Variants in ANKRD36 observed in about 807,000 individuals in gnomAD.
The protein encoded by ANKRD36 is ankyrin repeat domain 36, also known as ankyrin repeat domain-containing protein 36A.
Under a neutral mutation model 278.1 loss-of-function variants are expected in ANKRD36, and 179 were observed. That is an observed-to-expected ratio of 0.64 (90% confidence interval 0.57 to 0.73). ANKRD36 has a LOEUF of 0.73. ANKRD36 is among the 30% of genes least tolerant of loss of function. ANKRD36 has a pLI of 0.00. For missense variants in ANKRD36, 1,159 were observed against 1,956.7 expected, an observed-to-expected ratio of 0.59 and a Z score of 7.69; for synonymous variants, 320 against 641.1, an observed-to-expected ratio of 0.50 and a Z score of 7.57.
intron 22 of ANKRD36, among the ~76,000 whole-genome samples, chr2:97,172,047 A>C (rs2052712328): frequency 6.6e-6 from 1 of 152,034 alleles, no homozygotes; most frequent in African/African-American, 2.4e-5. Context: ...GCCTTTTAAG[A>C]CGGTGATTCT....
intron 10 of ANKRD36, among the ~76,000 whole-genome samples, chr2:97,144,954 A>G (rs1031726494): frequency 6.6e-6 from 1 of 152,038 alleles, no homozygotes; most frequent in African/African-American, 2.4e-5. Flanking sequence ...AGAGCAGTTC[A>G]AGATACAAGA....
At chr2:97,194,539 C>T (rs11689120) in intron 38 of ANKRD36, among the ~76,000 whole-genome samples, 187 bp from the exon 39 acceptor site, 119 of 151,602 alleles carry the variant, frequency 7.8e-4, no homozygotes, top group African/African-American at 2.5e-3. Flanking sequence ...GTATATTTCA[C>T]GGAGCCTGTG....
At chr2:97,220,255 A>G (rs2067047803) in intron 66 of ANKRD36, among the ~76,000 whole-genome samples, 1 of 149,148 alleles carries the variant, frequency 6.7e-6, no homozygotes, top group African/African-American at 2.5e-5. Flanking sequence ...TTTCATTTGT[A>G]CTTCCTCAGT....
At chr2:97,177,645 T>G (rs2054700729) in intron 22 of ANKRD36, among the ~76,000 whole-genome samples, 1 of 151,912 alleles carries the variant, frequency 6.6e-6, no homozygotes, top group African/African-American at 2.4e-5. Context: ...TGAAACTGTA[T>G]CCCTTCCTTA....
At chr2:97,200,842 A>G (rs2061176290) in intron 46 of ANKRD36, among the ~76,000 whole-genome samples, 1 of 151,908 alleles carries the variant, frequency 6.6e-6, no homozygotes, top group East Asian at 1.9e-4. Context: ...GTAAGGAGAA[A>G]GAGAGGAAGT....
At chr2:97,211,017 G>T (rs1191326122) in intron 56 of ANKRD36, among the ~76,000 whole-genome samples, 1 of 151,878 alleles carries the variant, frequency 6.6e-6, no homozygotes, top group Non-Finnish European at 1.5e-5. Context: ...AGATATCCAA[G>T]GTGATCAATT....
intron 22 of ANKRD36, among the ~76,000 whole-genome samples, chr2:97,175,903 A>C (rs2054100674): frequency 6.6e-6 from 1 of 151,894 alleles, no homozygotes; most frequent in African/African-American, 2.4e-5. Context: ...ATTCAGGAGC[A>C]GGTTGTTCAG....
intron 6 of ANKRD36, among the ~76,000 whole-genome samples, chr2:97,136,461 C>T (rs1269673756): frequency 3.3e-5 from 5 of 151,396 alleles, no homozygotes; most frequent in South Asian, 2.1e-4. Flanking sequence ...GGAAACCCAA[C>T]TTGAAGTCCA....
rs574724897 is a variant in ANKRD36, at chr2:97,205,937, C to G, written c.3062-3C>G. On this transcript the variant is annotated splice_region_variant and splice_polypyrimidine_tract_variant and intron_variant, in intron 50 of 75. Coordinates refer to ENST00000420699, the MANE Select transcript of ANKRD36 (RefSeq NM_001354587.1). ...CTGATTATGAATCACTTTTGCTTTT[C>G]AGTGTCTTCTCAGAAACCACCAACC... 7.1e-6 allele frequency: 11 copies of G among 1,552,930 alleles called. No homozygotes were observed. In the Admixed American group the frequency reaches 2.1e-4, roughly 29 times the overall value.
chr2:97,140,760 G>A (rs904360198), intron 6 of ANKRD36, among the ~76,000 whole-genome samples: 13 of 152,046 alleles, frequency 8.6e-5, no homozygotes, highest in African/African-American at 2.7e-4. Context: ...CAGTAGTGGT[G>A]AGAATAATGA....
intron 28 of ANKRD36, among the ~76,000 whole-genome samples, chr2:97,184,228 CAGA>C (rs1173774097): frequency 1.3e-5 from 2 of 151,642 alleles, no homozygotes; most frequent in Non-Finnish European, 2.9e-5. Flanking sequence ...GTTTGCATAC[CAGA>C]AGATTTGATT....
chr2:97,192,297 A>T (rs566217804), intron 36 of ANKRD36, among the ~76,000 whole-genome samples: 3 of 151,914 alleles, frequency 2.0e-5, no homozygotes, highest in African/African-American at 7.2e-5. Flanking sequence ...AATGAATATT[A>T]TCTACTAGGT....
chr2:97,145,402 TTTG>T (rs745472212), intron 10 of ANKRD36, among the ~76,000 whole-genome samples: 1 of 151,992 alleles, frequency 6.6e-6, no homozygotes, highest in Non-Finnish European at 1.5e-5. Context: ...AGATATATGT[TTTG>T]TTGTTATCAG....
At chr2:97,222,306 T>A in intron 66 of ANKRD36, among the ~76,000 whole-genome samples, 1 of 152,062 alleles carries the variant, frequency 6.6e-6, no homozygotes, top group Non-Finnish European at 1.5e-5. Context: ...TTTTTTCCAA[T>A]TCTGTGAAGA....
chr2:97,262,583 T>C (rs2076838902), intron 75 of ANKRD36, among the ~76,000 whole-genome samples: 1 of 130,772 alleles, frequency 7.6e-6, no homozygotes, highest in South Asian at 4.4e-4. Flanking sequence ...GAGAGTGATA[T>C]TGTTTGCAAA....
At chr2:97,202,113 G>C (rs2061540200) in intron 46 of ANKRD36, 89 bp from the exon 47 acceptor site, 1 of 1,587,148 alleles carries the variant, frequency 6.3e-7, no homozygotes, top group Non-Finnish European at 8.5e-7. Context: ...CAGGCAGGAG[G>C]ACAGAGGTTG....
intron 40 of ANKRD36, among the ~76,000 whole-genome samples, chr2:97,195,551 A>C (rs1446150295): frequency 6.6e-6 from 1 of 152,026 alleles, no homozygotes; most frequent in East Asian, 1.9e-4. Context: ...TTGGCATAAA[A>C]ACAAAATGAC....
At chr2:97,200,194 C>T in intron 44 of ANKRD36, 140 bp from the exon 45 acceptor site, 3 of 1,525,690 alleles carry the variant, frequency 2.0e-6, no homozygotes, top group Non-Finnish European at 2.7e-6. Context: ...ATGTTCTGAT[C>T]CCCAGACACA....
chr2:97,210,160 A>C lies in ANKRD36; in HGVS notation c.3367+288A>C, dbSNP rs58910094. 7.1e-3 allele frequency among the ~76,000 whole-genome samples: 1,080 copies of C among 151,820 alleles called. 5 individuals are homozygous for C. The highest frequency in any genetic ancestry group is 0.024 in the African/African-American group (1,010 of 41,434). On this transcript the variant is annotated intron_variant, in intron 56 of 75. Transcript: ENST00000420699. ...AACAACATAATTTTACTTTAATTCT[A>C]CAGCTTGTTTTCAGTAAGGGTGGAA...
Sources: allele counts gnomAD v4.1 joint callset (sites outside exome capture counted in the v4.1 genomes callset), GRCh38; gene constraint gnomAD v4.1.1; transcripts MANE v1.5; gene names NCBI Gene and HGNC (gene_info 2026-07-23, HGNC 2026-07-21).